The following DOCK2 variants were observed in gnomAD, a reference collection of about 807,000 sequenced individuals.
The protein encoded by DOCK2 is dedicator of cytokinesis protein 2.
Under a neutral mutation model 248.9 loss-of-function variants are expected in DOCK2, and 87 were observed. The observed-to-expected ratio is 0.35, with a 90% confidence interval of 0.29 to 0.42. The LOEUF (loss-of-function observed/expected upper bound fraction) is 0.42, where lower values mean the gene tolerates loss of function less well. Ranked by LOEUF, DOCK2 falls within the 10% of genes least tolerant of loss-of-function variation. The pLI, the probability that DOCK2 is intolerant of heterozygous loss-of-function variation, is 1.00. For synonymous variants in DOCK2, 805 were observed against 821.6 expected (o/e 0.98, Z 0.35); for missense variants, 1,747 against 2,300.2 (o/e 0.76, Z 4.92).
intron 48 of DOCK2, among the ~76,000 whole-genome samples, chr5:170,078,589 T>G (rs1209189162): frequency 1.3e-5 from 2 of 152,198 alleles, no homozygotes; most frequent in Non-Finnish European, 2.9e-5. Context: ...CTCCATTTAC[T>G]GAAAAGGAAA....
chr5:169,769,387 G>A (rs1764963266), intron 25 of DOCK2, among the ~76,000 whole-genome samples: 1 of 152,198 alleles, frequency 6.6e-6, no homozygotes, highest in Non-Finnish European at 1.5e-5. Context: ...AGGAGCAGCT[G>A]ACCCTTCCTC....
chr5:170,008,530 T>G lies in DOCK2; in HGVS notation c.3106T>G (p.Phe1036Val). 1 of 1,614,112 alleles carries G rather than the reference T, an allele frequency of 6.2e-7. No individual in the cohort carries two copies. Among genetic ancestry groups the G allele is most frequent in the Non-Finnish European group, 8.5e-7 (1 of 1,179,958 alleles). The part of the protein sequence containing the change: ...WNNYFHLAVA[F>V]ITQDSLQLEQ... The stretch of plus-strand genomic sequence containing the variant: ...CAACTATTTTCATCTGGCAGTGGCT[T>G]TTATCACCCAGGATTCTCTGCAGCT... Residue 1036 changes from phenylalanine (F) to valine (V), a missense_variant, in exon 31 of 52, where the codon TTT (phenylalanine) becomes GTT (valine). Physicochemically the swap from Phe to Val is conservative, Grantham distance 50. Around this residue, in one of 4 missense-constraint regions of DOCK2, gnomAD observed 858 missense variants for 1,183.5 expected, o/e 0.72. Transcript: ENST00000520908.
chr5:169,845,347 A>G (rs145033862), intron 27 of DOCK2, among the ~76,000 whole-genome samples: 5 of 151,952 alleles, frequency 3.3e-5, no homozygotes, highest in African/African-American at 1.2e-4. Context: ...CACTGTGCCC[A>G]TTGTGCTTAT....
At chr5:169,642,275 G>A (rs1334222582) in intron 1 of DOCK2, among the ~76,000 whole-genome samples, 2 of 152,188 alleles carry the variant, frequency 1.3e-5, no homozygotes, top group African/African-American at 4.8e-5. Flanking sequence ...TGTGTGCCAG[G>A]CATTATGCTA....
chr5:169,904,662 A>G (rs1236235118), intron 27 of DOCK2, among the ~76,000 whole-genome samples: 1 of 152,180 alleles, frequency 6.6e-6, no homozygotes, highest in East Asian at 1.9e-4. Flanking sequence ...TCCTTTAAGA[A>G]GGCTTCCCAT....
intron 41 of DOCK2, among the ~76,000 whole-genome samples, chr5:170,054,737 C>A (rs1035757822): frequency 2.0e-5 from 3 of 152,248 alleles, no homozygotes; most frequent in African/African-American, 4.8e-5. Flanking sequence ...GTCTCCACTT[C>A]TAACAAACTT....
At chr5:169,882,503 G>A in intron 27 of DOCK2, 2 of 1,448,636 alleles carry the variant, frequency 1.4e-6, no homozygotes, top group Non-Finnish European at 1.9e-6. Flanking sequence ...CCCTGTGTTG[G>A]CAAATGACTT....
intron 27 of DOCK2, among the ~76,000 whole-genome samples, chr5:169,941,627 T>A (rs1181086564): frequency 6.6e-6 from 1 of 152,144 alleles, no homozygotes; most frequent in Non-Finnish European, 1.5e-5. Context: ...CTGGACTTGA[T>A]TAAACTAAGA....
At chr5:170,026,544 G>T (rs557825854) in intron 33 of DOCK2, among the ~76,000 whole-genome samples, 2 of 152,266 alleles carry the variant, frequency 1.3e-5, no homozygotes, top group African/African-American at 4.8e-5. Flanking sequence ...CTCTCCAGGT[G>T]CCAGTTTATT....
chr5:169,906,942 C>T (rs1433385879), intron 27 of DOCK2, among the ~76,000 whole-genome samples: 1 of 152,162 alleles, frequency 6.6e-6, no homozygotes, highest in African/African-American at 2.4e-5. Context: ...TACTATCATT[C>T]AATAAATATT....
chr5:169,749,737 G>A (rs1763802116), intron 23 of DOCK2, among the ~76,000 whole-genome samples: 3 of 152,184 alleles, frequency 2.0e-5, no homozygotes, highest in Admixed American at 2.0e-4. Flanking sequence ...GCTGGGGATG[G>A]ATGTCTTCCT....
At chr5:170,043,396 T>C (rs1756585567) in intron 38 of DOCK2, among the ~76,000 whole-genome samples, 1 of 152,222 alleles carries the variant, frequency 6.6e-6, no homozygotes, top group Non-Finnish European at 1.5e-5. Context: ...GTCATCATTA[T>C]CCTACTCCAC....
At chr5:169,910,084 C>T (rs1228035690) in intron 27 of DOCK2, among the ~76,000 whole-genome samples, 1 of 152,140 alleles carries the variant, frequency 6.6e-6, no homozygotes, top group Non-Finnish European at 1.5e-5. Flanking sequence ...GCACCAAAGC[C>T]AGGCTTATTT....
intron 27 of DOCK2, among the ~76,000 whole-genome samples, chr5:169,885,064 T>G (rs779516703): frequency 2.0e-5 from 3 of 152,172 alleles, no homozygotes; most frequent in Admixed American, 6.5e-5. Context: ...CCAACTCCTG[T>G]TCATCAGTCA....
chr5:169,973,752 A>G (rs980528848), intron 27 of DOCK2, among the ~76,000 whole-genome samples: 2 of 152,222 alleles, frequency 1.3e-5, no homozygotes, highest in Non-Finnish European at 1.5e-5. Flanking sequence ...GTCCTCAGCC[A>G]TAGAGAATAG....
chr5:169,773,389 G>A (rs901667517), intron 25 of DOCK2, among the ~76,000 whole-genome samples: 20 of 151,898 alleles, frequency 1.3e-4, no homozygotes, highest in African/African-American at 4.8e-4. Context: ...TTTAATTAGG[G>A]GAGAAAAAAA....
intron 27 of DOCK2, among the ~76,000 whole-genome samples, chr5:169,881,834 CTT>C (rs1193680661): frequency 6.6e-6 from 1 of 152,190 alleles, no homozygotes; most frequent in African/African-American, 2.4e-5. Context: ...CAGTTAATGA[CTT>C]CTCTCTCCTA....
chr5:169,809,068 T>C (rs552610774), intron 26 of DOCK2, among the ~76,000 whole-genome samples: 2 of 152,216 alleles, frequency 1.3e-5, no homozygotes, highest in Non-Finnish European at 2.9e-5. Context: ...CTCAGCTGAC[T>C]GCAACCTCCA....
At chr5:169,655,296 C>T (rs1345165456) in intron 2 of DOCK2, among the ~76,000 whole-genome samples, 1 of 152,222 alleles carries the variant, frequency 6.6e-6, no homozygotes, top group Non-Finnish European at 1.5e-5. Context: ...ATGGAGGGCA[C>T]AGAGCCTGGG....
Sources: allele counts gnomAD v4.1 joint callset (sites outside exome capture counted in the v4.1 genomes callset), GRCh38; gene constraint gnomAD v4.1.1; regional missense constraint gnomAD v4.1.1; transcripts MANE v1.5; gene names NCBI Gene and HGNC (gene_info 2026-07-23, HGNC 2026-07-21).